The following GABBR2 variants were observed in gnomAD, a reference collection of about 807,000 sequenced individuals.
The protein encoded by GABBR2 is gamma-aminobutyric acid type B receptor subunit 2, also known as G-protein coupled receptor 51.
In GABBR2, 23 loss-of-function variants were observed where a neutral mutation model predicts 105.6. The observed-to-expected ratio is 0.22, with a 90% confidence interval of 0.16 to 0.31. The LOEUF (loss-of-function observed/expected upper bound fraction) is 0.31. GABBR2 is among the 10% of genes least tolerant of loss of function. The probability of loss-of-function intolerance (pLI) is 1.00; values close to 1 mark genes in which losing one functional copy is unlikely to be tolerated. For synonymous variants in GABBR2, 478 were observed against 499.7 expected (o/e 0.96, Z 0.58); for missense variants, 734 against 1,245.5 (o/e 0.59, Z 6.18).
At chr9:98,602,598 C>T (rs1381932738) in intron 1 of GABBR2, among the ~76,000 whole-genome samples, 1 of 152,072 alleles carries the variant, frequency 6.6e-6, no homozygotes, top group Admixed American at 6.5e-5. Flanking sequence ...GCCTACAACT[C>T]CTCATTTTAA....
intron 2 of GABBR2, among the ~76,000 whole-genome samples, chr9:98,569,716 G>C (rs1828800501): frequency 6.6e-6 from 1 of 152,100 alleles, no homozygotes; most frequent in Non-Finnish European, 1.5e-5. Context: ...TACCCCATCT[G>C]GTCTCTGTTT....
chr9:98,337,878 CA>C (rs990371632), intron 13 of GABBR2, among the ~76,000 whole-genome samples: 6 of 152,086 alleles, frequency 3.9e-5, no homozygotes, highest in Non-Finnish European at 5.9e-5. Context: ...AAAAATTAGC[CA>C]GGCATGGTGG....
At chr9:98,379,059 G>A (rs375658759) in intron 11 of GABBR2, among the ~76,000 whole-genome samples, 1 of 152,096 alleles carries the variant, frequency 6.6e-6, no homozygotes, top group African/African-American at 2.4e-5. Flanking sequence ...CAGAGGTCCC[G>A]TCTGTGTCAT....
At chr9:98,586,625 A>C (rs1466467513) in intron 1 of GABBR2, among the ~76,000 whole-genome samples, 3 of 152,172 alleles carry the variant, frequency 2.0e-5, no homozygotes, top group African/African-American at 7.2e-5. Flanking sequence ...TTACAGTTTT[A>C]TATGTACATG....
At chr9:98,291,437 T>A (rs1245117756) in intron 18 of GABBR2, among the ~76,000 whole-genome samples, 1 of 152,164 alleles carries the variant, frequency 6.6e-6, no homozygotes, top group Non-Finnish European at 1.5e-5. Context: ...TTCAGTTTCA[T>A]CCCTGAAAGA....
chr9:98,623,176 G>A (rs960707137), intron 1 of GABBR2, among the ~76,000 whole-genome samples: 4 of 152,216 alleles, frequency 2.6e-5, no homozygotes, highest in African/African-American at 7.2e-5. Context: ...TGTAATCCCA[G>A]CACTTTGGGA....
intron 13 of GABBR2, among the ~76,000 whole-genome samples, chr9:98,324,400 C>T (rs548230311): frequency 6.0e-4 from 92 of 152,176 alleles, no homozygotes; most frequent in Non-Finnish European, 8.5e-4. Flanking sequence ...CCCTGAGCCC[C>T]GGGTTCTCCT....
chr9:98,399,726 T>C (rs1323489845), intron 8 of GABBR2, among the ~76,000 whole-genome samples: 1 of 139,030 alleles, frequency 7.2e-6, no homozygotes. Context: ...AATTAAGAAC[T>C]TGAAGGCTCA....
intron 3 of GABBR2, among the ~76,000 whole-genome samples, chr9:98,519,343 C>T (rs538893177): frequency 6.6e-6 from 1 of 152,364 alleles, no homozygotes; most frequent in Non-Finnish European, 1.5e-5. Context: ...TGTGCTTTCT[C>T]TGTGCTCCAG....
intron 13 of GABBR2, among the ~76,000 whole-genome samples, chr9:98,323,381 A>G (rs1453462049): frequency 2.6e-5 from 4 of 152,252 alleles, no homozygotes; most frequent in Non-Finnish European, 5.9e-5. Flanking sequence ...AAGCCCTGCC[A>G]TAAATTAGAC....
At chr9:98,541,151 G>A (rs1192840611) in intron 3 of GABBR2, among the ~76,000 whole-genome samples, 1 of 152,084 alleles carries the variant, frequency 6.6e-6, no homozygotes, top group African/African-American at 2.4e-5. Context: ...AAACCATGAG[G>A]TTAATCAAGA....
At chr9:98,706,109 C>A (rs201193737) in intron 1 of GABBR2, among the ~76,000 whole-genome samples, 133 of 136,900 alleles carry the variant, frequency 9.7e-4, no homozygotes, top group African/African-American at 2.8e-3. Flanking sequence ...ACAAAAAAAA[C>A]AAAAAAAAAA....
intron 1 of GABBR2, among the ~76,000 whole-genome samples, chr9:98,604,754 T>G (rs904995397): frequency 3.9e-5 from 6 of 152,210 alleles, no homozygotes; most frequent in Admixed American, 2.6e-4. Flanking sequence ...TTCCCCTTGA[T>G]AGTCATCTGT....
At chr9:98,633,836 G>A (rs1264642294) in intron 1 of GABBR2, among the ~76,000 whole-genome samples, 1 of 152,110 alleles carries the variant, frequency 6.6e-6, no homozygotes, top group Non-Finnish European at 1.5e-5. Context: ...ATCCATCAGA[G>A]GAGTCCTGTG....
chr9:98,670,021 C>T (rs1376549730), intron 1 of GABBR2, among the ~76,000 whole-genome samples: 5 of 152,096 alleles, frequency 3.3e-5, no homozygotes, highest in African/African-American at 1.2e-4. Context: ...GCCAGCAAGC[C>T]ACGTGTGCAG....
intron 3 of GABBR2, among the ~76,000 whole-genome samples, chr9:98,510,698 A>G (rs1296731916): frequency 6.6e-6 from 1 of 152,066 alleles, no homozygotes; most frequent in Non-Finnish European, 1.5e-5. Flanking sequence ...TGGTAAAGGG[A>G]TCAATTCAAC....
At chr9:98,692,939 T>C (rs1399216051) in intron 1 of GABBR2, among the ~76,000 whole-genome samples, 2 of 152,284 alleles carry the variant, frequency 1.3e-5, no homozygotes, top group African/African-American at 4.8e-5. Flanking sequence ...ACCGGGTCGA[T>C]ACAAATGACA....
intron 11 of GABBR2, among the ~76,000 whole-genome samples, 186 bp from the exon 12 acceptor site, chr9:98,371,757 T>C (rs1196538419): frequency 1.3e-5 from 2 of 152,208 alleles, no homozygotes; most frequent in Non-Finnish European, 2.9e-5. Context: ...TATCAGCCAC[T>C]TACCAGACCC....
chr9:98,315,639 G>A (rs147764872), intron 13 of GABBR2, among the ~76,000 whole-genome samples: 158 of 152,346 alleles, frequency 1.0e-3, no homozygotes, highest in African/African-American at 3.6e-3. Context: ...GCAACCTGCA[G>A]GGGCAGGTGG....
Sources: gnomAD v4.1 joint callset for allele counts (sites outside exome capture counted in the v4.1 genomes callset) on GRCh38, gnomAD v4.1.1 for gene constraint, MANE v1.5 for transcripts, NCBI Gene and HGNC (gene_info 2026-07-23, HGNC 2026-07-21) for gene names.